MCF2L2: variants seen among roughly 807,000 people sequenced by gnomAD.
MCF2L2 encodes MCF.2 cell line derived transforming sequence-like 2.
Under a neutral mutation model 150.2 loss-of-function variants are expected in MCF2L2, and 102 were observed. The ratio of observed to expected loss-of-function variants is 0.68; its 90% CI spans 0.58 to 0.80. MCF2L2 has a LOEUF of 0.80. Ranked by LOEUF, MCF2L2 falls within the 30% of genes least tolerant of loss-of-function variation. The pLI is 0.00. For synonymous variants in MCF2L2, 465 were observed against 491.3 expected (o/e 0.95, Z 0.71); for missense variants, 1,256 against 1,372.8 (o/e 0.91, Z 1.34).
chr3:183,181,093 G>A lies in MCF2L2; in HGVS notation c.3017-934C>T, dbSNP rs1258253803. ...TCTGCTCAGGCGAGAATTCAGGGAG[G>A]TTTGGGCAGGACTTGAGGGGCAGAC... On this transcript the variant is annotated intron_variant, in intron 27 of 29. Transcript: ENST00000328913. The surrounding 1 kb of genome is among the most constrained non-coding windows in gnomAD (Gnocchi z 4.3). Among the ~76,000 whole-genome samples, 1 of 152,244 alleles carries A rather than the reference G, an allele frequency of 6.6e-6. No homozygotes were observed. The highest frequency in any genetic ancestry group is 2.4e-5 in the African/African-American group (1 of 41,458).
In MCF2L2 at chr3:183,305,064, C is replaced by A. The variant is rs1294842781; in HGVS notation, c.1113+4652G>T. Among the ~76,000 whole-genome samples, 2 of 152,140 alleles carry A rather than the reference C, an allele frequency of 1.3e-5. No homozygotes were observed. Among genetic ancestry groups the A allele is most frequent in the Non-Finnish European group, 2.9e-5 (2 of 68,022 alleles). On this transcript the variant is annotated intron_variant, in intron 10 of 29. Transcript: ENST00000328913. This position sits in a 1 kb window ranked among gnomAD's most constrained non-coding sequence, Gnocchi z 4.1. ...ATTTGCTTATTTCCTTAACTCTTCACAACAAACCCTTTGATACAGGTACTG... is the reference window on the plus strand; with the variant it reads ...ATTTGCTTATTTCCTTAACTCTTCAAAACAAACCCTTTGATACAGGTACTG...
rs552982912 is a variant in MCF2L2 at position 183,303,593 on chromosome 3, C to T, written c.1114-3397G>A. Among the ~76,000 whole-genome samples the T allele has an allele frequency of 2.2e-3, 332 of 152,310 alleles. 1 individual carries two copies. Among genetic ancestry groups the T allele is most frequent in the Non-Finnish European group, 3.7e-3 (253 of 68,032 alleles). On this transcript the variant is annotated intron_variant, in intron 10 of 29. Coordinates refer to ENST00000328913, the MANE Select transcript of MCF2L2 (RefSeq NM_015078.4). ...TTCCTCTTACCCTCCCAGTCATTCA[C>T]GAAGCCCCGCAGGGACCGTCGCCTT...
At chr3:183,260,135 G>A (rs1316629652) in intron 15 of MCF2L2, among the ~76,000 whole-genome samples, 1 of 152,056 alleles carries the variant, frequency 6.6e-6, no homozygotes, top group East Asian at 1.9e-4. Flanking sequence ...CTGCCACAGG[G>A]TCTGGAATTT....
intron 3 of MCF2L2, among the ~76,000 whole-genome samples, chr3:183,371,112 A>T (rs1712848482): frequency 6.6e-6 from 1 of 152,250 alleles, no homozygotes; most frequent in Admixed American, 6.5e-5. Flanking sequence ...CCATCAAAGC[A>T]GCACTTTTGC....
chr3:183,180,180 G>A, intron 27 of MCF2L2, 21 bp from the exon 28 acceptor site: 5 of 1,532,926 alleles, frequency 3.3e-6, no homozygotes, highest in Non-Finnish European at 4.5e-6. Context: ...GAAAGGGAAG[G>A]ATGGGGCCTC....
intron 3 of MCF2L2, among the ~76,000 whole-genome samples, chr3:183,354,462 G>A (rs1711641185): frequency 6.6e-6 from 1 of 152,026 alleles, no homozygotes; most frequent in Non-Finnish European, 1.5e-5. Context: ...AAGAACCTTG[G>A]CTTCCACAAC....
chr3:183,416,188 A>T (rs1370742507), intron 1 of MCF2L2, among the ~76,000 whole-genome samples: 1 of 152,204 alleles, frequency 6.6e-6, no homozygotes, highest in Non-Finnish European at 1.5e-5. Context: ...TATACATAGT[A>T]TATCTACGTA....
intron 25 of MCF2L2, among the ~76,000 whole-genome samples, chr3:183,201,003 T>G (rs1239031431): frequency 6.6e-6 from 1 of 152,244 alleles, no homozygotes; most frequent in Non-Finnish European, 1.5e-5. Context: ...TTGGTACCAG[T>G]ACCATGCTGT....
At chr3:183,240,753 C>T (rs1323022502) in intron 15 of MCF2L2, among the ~76,000 whole-genome samples, 1 of 152,212 alleles carries the variant, frequency 6.6e-6, no homozygotes, top group Non-Finnish European at 1.5e-5. Flanking sequence ...CAGATGGTCT[C>T]CTATTCAACT....
chr3:183,349,120 G>C (rs910712799), intron 3 of MCF2L2, among the ~76,000 whole-genome samples: 1 of 152,054 alleles, frequency 6.6e-6, no homozygotes, highest in African/African-American at 2.4e-5. Context: ...AATCATAGAG[G>C]GTGCACTTCT....
intron 3 of MCF2L2, among the ~76,000 whole-genome samples, chr3:183,357,944 T>C (rs1219498719): frequency 6.6e-6 from 1 of 151,910 alleles, no homozygotes; most frequent in Non-Finnish European, 1.5e-5. Context: ...AAATTCAAGC[T>C]GTTGGAGAAA....
intron 2 of MCF2L2, among the ~76,000 whole-genome samples, chr3:183,386,386 T>C (rs1245683074): frequency 6.6e-6 from 1 of 152,228 alleles, no homozygotes; most frequent in Admixed American, 6.5e-5. Context: ...CAATTCCCGC[T>C]GGTGGCCCTG....
chr3:183,425,846 T>G (rs184561034), intron 1 of MCF2L2, among the ~76,000 whole-genome samples: 7 of 151,980 alleles, frequency 4.6e-5, no homozygotes, highest in African/African-American at 9.7e-5. Flanking sequence ...TCCCAGCTAC[T>G]CGGGAGGCTG....
chr3:183,307,479 A>T (rs1450494677), intron 10 of MCF2L2, among the ~76,000 whole-genome samples: 1 of 152,192 alleles, frequency 6.6e-6, no homozygotes, highest in Admixed American at 6.5e-5. Context: ...AAGTCATAGG[A>T]TGTGACAGGT....
At chr3:183,329,925 TATCTAAACAC>T (rs933947965) in intron 5 of MCF2L2, among the ~76,000 whole-genome samples, 3 of 152,028 alleles carry the variant, frequency 2.0e-5, no homozygotes, top group East Asian at 1.9e-4. Context: ...AGTATTTCTG[TATCTAAACAC>T]ATCTAAACAC....
intron 27 of MCF2L2, among the ~76,000 whole-genome samples, chr3:183,182,062 G>A (rs1484414631): frequency 1.3e-5 from 2 of 152,160 alleles, no homozygotes; most frequent in Non-Finnish European, 2.9e-5. Context: ...AAGGGAAGGG[G>A]GCACAGCGCT....
intron 3 of MCF2L2, chr3:183,374,011 A>AT (rs766012921): frequency 5.9e-5 from 9 of 151,634 alleles, no homozygotes; most frequent in Non-Finnish European, 1.2e-4. Context: ...ATCCCTTCCT[A>AT]TCCAGTTCTC....
chr3:183,349,436 T>C (rs1731025585), intron 3 of MCF2L2, among the ~76,000 whole-genome samples: 1 of 152,254 alleles, frequency 6.6e-6, no homozygotes, highest in Non-Finnish European at 1.5e-5. Context: ...TGTGATTTTT[T>C]TCTTTGATTC....
chr3:183,301,141 G>A (rs974220485), intron 10 of MCF2L2, among the ~76,000 whole-genome samples: 9 of 151,292 alleles, frequency 5.9e-5, no homozygotes, highest in African/African-American at 9.7e-5. Context: ...ATGACACTTC[G>A]CTCTAACCAC....
Sources: gnomAD v4.1 joint callset for allele counts (sites outside exome capture counted in the v4.1 genomes callset) on GRCh38, gnomAD v4.1.1 for gene constraint, Gnocchi (gnomAD v3.1) non-coding constraint, MANE v1.5 for transcripts, NCBI Gene and HGNC (gene_info 2026-07-23, HGNC 2026-07-21) for gene names.